The following ATP8A2 variants were observed in gnomAD, a reference collection of about 807,000 sequenced individuals.
ATP8A2 encodes ATPase phospholipid transporting 8A2.
In ATP8A2, 100 loss-of-function variants were observed where a neutral mutation model predicts 165.6. The ratio of observed to expected loss-of-function variants is 0.60; its 90% confidence interval spans 0.51 to 0.71. The LOEUF (loss-of-function observed/expected upper bound fraction) is 0.71, where lower values mean the gene tolerates loss of function less well. Ranked by LOEUF, ATP8A2 falls within the 30% of genes least tolerant of loss-of-function variation. The pLI, the probability that ATP8A2 is intolerant of heterozygous loss-of-function variation, is 0.00. For missense variants in ATP8A2, 1,227 were observed against 1,479.5 expected (o/e 0.83, Z 2.80); for synonymous variants, 543 against 548.8 (o/e 0.99, Z 0.15).
rs186362630 is a variant in ATP8A2 at position 25,846,521 on chromosome 13, G to A, written c.2956+6897G>A. Among the ~76,000 whole-genome samples, 33 of 152,346 alleles carry A rather than the reference G, an allele frequency of 2.2e-4. No individual in the cohort carries two copies. In the East Asian group the frequency reaches 3.1e-3, roughly 14 times the overall value. ...TCCAAGAGAAAGATGACATGAAGCAGTTGGGGGGAGATATTGCGGGGCAGA... is the reference window on the plus strand; with the variant it reads ...TCCAAGAGAAAGATGACATGAAGCAATTGGGGGGAGATATTGCGGGGCAGA... On this transcript the variant is annotated intron_variant, in intron 30 of 36. Transcript: ENST00000381655.
At chr13:25,427,149 G>A (rs982923997) in intron 1 of ATP8A2, among the ~76,000 whole-genome samples, 30 of 152,292 alleles carry the variant, frequency 2.0e-4, no homozygotes, top group African/African-American at 6.5e-4. Context: ...GAGCTAGCAC[G>A]TGAAGCCTTA....
intron 1 of ATP8A2, among the ~76,000 whole-genome samples, chr13:25,432,509 T>C (rs2034643946): frequency 6.6e-6 from 1 of 152,156 alleles, no homozygotes; most frequent in Non-Finnish European, 1.5e-5. Flanking sequence ...AACCCTGACT[T>C]CTTTAGTTTG....
intron 2 of ATP8A2, among the ~76,000 whole-genome samples, chr13:25,493,968 G>T (rs993804167): frequency 2.0e-5 from 3 of 152,086 alleles, no homozygotes; most frequent in South Asian, 2.1e-4. Context: ...TTTGGGAGTC[G>T]GTTTGTGTGT....
intron 2 of ATP8A2, among the ~76,000 whole-genome samples, chr13:25,510,039 C>T (rs1418332633): frequency 6.6e-6 from 1 of 152,142 alleles, no homozygotes; most frequent in Non-Finnish European, 1.5e-5. Flanking sequence ...GTACAATGAG[C>T]GTTCAACCTG....
At chr13:25,496,147 A>T (rs536694386) in intron 2 of ATP8A2, among the ~76,000 whole-genome samples, 28 of 152,120 alleles carry the variant, frequency 1.8e-4, no homozygotes, top group Non-Finnish European at 3.1e-4. Flanking sequence ...CTGTTTTACC[A>T]AGTTTAATTG....
chr13:25,735,705 A>G (rs1226211452), intron 25 of ATP8A2, among the ~76,000 whole-genome samples: 1 of 152,238 alleles, frequency 6.6e-6, no homozygotes, highest in East Asian at 1.9e-4. Flanking sequence ...ATAACAGAAC[A>G]TATCAACCAT....
intron 24 of ATP8A2, 133 bp from the exon 25 acceptor site, chr13:25,699,040 C>A: frequency 1.5e-6 from 1 of 668,062 alleles, no homozygotes; most frequent in Non-Finnish European, 2.3e-6. Context: ...TATAAATGTG[C>A]AAAGCTGAAC....
chr13:25,451,774 G>A (rs2035230281), intron 1 of ATP8A2, among the ~76,000 whole-genome samples: 1 of 151,736 alleles, frequency 6.6e-6, no homozygotes, highest in African/African-American at 2.4e-5. Flanking sequence ...TGTCCCACTG[G>A]GTTCAGTTTT....
intron 24 of ATP8A2, among the ~76,000 whole-genome samples, chr13:25,665,677 T>C (rs2042138488): frequency 6.6e-6 from 1 of 150,718 alleles, no homozygotes; most frequent in South Asian, 2.1e-4. Context: ...AACAAGCATA[T>C]TGAATAGGTT....
At chr13:25,414,016 G>A (rs1217528585) in intron 1 of ATP8A2, among the ~76,000 whole-genome samples, 1 of 151,964 alleles carries the variant, frequency 6.6e-6, no homozygotes, top group Non-Finnish European at 1.5e-5. Context: ...GTGGGGTGAT[G>A]ATGATCAGAG....
In ATP8A2 at chr13:25,623,883, TATGCATATATCTATA is replaced by T. The variant is rs1400450855; in HGVS notation, c.2211+34191_2211+34205del. ...GCATAGATATATGCATATACCTATA[TATGCATATATCTATA>T]ATGCATGTATGTATGTGTGTGCATA... On this transcript the variant is annotated intron_variant, in intron 24 of 36. Transcript: ENST00000381655. Among the ~76,000 whole-genome samples, 569 of 152,282 alleles carry T rather than the reference TATGCATATATCTATA, an allele frequency of 3.7e-3. 4 individuals carry two copies. The highest frequency in any genetic ancestry group is 0.013 in the African/African-American group (555 of 41,570).
At chr13:25,443,773 G>A (rs1187573718) in intron 1 of ATP8A2, among the ~76,000 whole-genome samples, 1 of 152,144 alleles carries the variant, frequency 6.6e-6, no homozygotes, top group East Asian at 1.9e-4. Context: ...CTACATGAGG[G>A]CACGGAATTA....
At chr13:25,710,941 T>C (rs2043146493) in intron 25 of ATP8A2, among the ~76,000 whole-genome samples, 1 of 138,498 alleles carries the variant, frequency 7.2e-6, no homozygotes, top group Admixed American at 7.0e-5. Context: ...AAGTTATTGC[T>C]CTTATTTTAT....
intron 33 of ATP8A2, among the ~76,000 whole-genome samples, chr13:25,925,796 C>T (rs984231736): frequency 6.6e-6 from 1 of 150,456 alleles, no homozygotes; most frequent in Non-Finnish European, 1.5e-5. Context: ...GGCATGATCT[C>T]GGCTCACTGC....
At chr13:25,889,303 A>G (rs1953279361) in intron 33 of ATP8A2, among the ~76,000 whole-genome samples, 1 of 144,154 alleles carries the variant, frequency 6.9e-6, no homozygotes, top group South Asian at 2.2e-4. Context: ...AAAATAATAT[A>G]TGGTCAAAAA....
intron 2 of ATP8A2, among the ~76,000 whole-genome samples, chr13:25,528,835 A>T (rs558701351): frequency 1.4e-5 from 1 of 70,270 alleles, no homozygotes; most frequent in African/African-American, 4.2e-5. Flanking sequence ...CATATGCAAC[A>T]TGTGTATGCA....
At chr13:25,528,571 T>G (rs1024163426) in intron 2 of ATP8A2, among the ~76,000 whole-genome samples, 1 of 152,210 alleles carries the variant, frequency 6.6e-6, no homozygotes, top group Admixed American at 6.5e-5. Context: ...AGTAGTGTAC[T>G]TTGCTTCTGG....
rs554420329 is a variant in ATP8A2 at position 25,407,341 on chromosome 13, C to G, written c.76+35053C>G. Among the ~76,000 whole-genome samples the G allele has an allele frequency of 7.9e-5, 12 of 152,294 alleles. 1 individual carries two copies. In the South Asian group the frequency reaches 2.5e-3, roughly 32 times the overall value. On this transcript the variant is annotated intron_variant, in intron 1 of 36. Coordinates refer to ENST00000381655, the MANE Select transcript of ATP8A2 (RefSeq NM_016529.6). ...GAAAAAGGCTAATTGAATTTTTGCT[C>G]CCTATGAAGACCCTTCCTCACTAGT...
chr13:25,594,984 GTATATA>G (rs58403530), intron 24 of ATP8A2, among the ~76,000 whole-genome samples: 15 of 142,786 alleles, frequency 1.1e-4, no homozygotes, highest in African/African-American at 2.1e-4. Context: ...GTGTGTGTGT[GTATATA>G]TATATATATA....
Sources: gnomAD v4.1 joint callset for allele counts (sites outside exome capture counted in the v4.1 genomes callset) on GRCh38, gnomAD v4.1.1 for gene constraint, MANE v1.5 for transcripts, NCBI Gene and HGNC (gene_info 2026-07-23, HGNC 2026-07-21) for gene names.